Variants in SLC24A3 observed in about 807,000 individuals in gnomAD.
SLC24A3 encodes sodium/potassium/calcium exchanger 3.
SLC24A3 carries 28 observed loss-of-function variants against 75.8 expected under a neutral mutation model. The ratio of observed to expected loss-of-function variants is 0.37; its 90% CI spans 0.27 to 0.51. SLC24A3 has a LOEUF of 0.51. Among genes scored for constraint, SLC24A3 ranks in the 20% least tolerant of loss-of-function variants. The pLI is 0.94. For synonymous variants in SLC24A3, 372 were observed against 334.1 expected (o/e 1.11, Z -1.24); for missense variants, 663 against 847.8 (o/e 0.78, Z 2.71).
chr20:19,651,573 T>C (rs1287955940), intron 6 of SLC24A3, among the ~76,000 whole-genome samples: 2 of 151,968 alleles, frequency 1.3e-5, no homozygotes, highest in Non-Finnish European at 2.9e-5. Context: ...TGAAAATGCA[T>C]GTCCGGCCAG....
chr20:19,331,520 A>G (rs918699375), intron 2 of SLC24A3, among the ~76,000 whole-genome samples: 27 of 152,260 alleles, frequency 1.8e-4, no homozygotes, highest in African/African-American at 6.0e-4. Context: ...AACAAAAATG[A>G]GTACAATATT....
intron 1 of SLC24A3, among the ~76,000 whole-genome samples, chr20:19,217,363 G>A (rs1198487554): frequency 6.6e-6 from 1 of 152,172 alleles, no homozygotes; most frequent in Non-Finnish European, 1.5e-5. Flanking sequence ...ATCATAACTT[G>A]GTAGTGAATG....
intron 1 of SLC24A3, among the ~76,000 whole-genome samples, chr20:19,222,783 C>CCCTTCCTTCCTTCCTTCATT (rs1981756720): frequency 1.3e-5 from 1 of 75,804 alleles, no homozygotes; most frequent in Non-Finnish European, 2.5e-5. Flanking sequence ...TCCCCTCCCT[C>CCCTTCCTTCCTTCCTTCATT]CCTTCCTTCC....
At chr20:19,374,226 C>T (rs946950998) in intron 2 of SLC24A3, among the ~76,000 whole-genome samples, 2 of 152,164 alleles carry the variant, frequency 1.3e-5, no homozygotes, top group African/African-American at 2.4e-5. Flanking sequence ...TTAGATATAA[C>T]TCAAATATCA....
At chr20:19,235,593 C>T (rs564451158) in intron 1 of SLC24A3, among the ~76,000 whole-genome samples, 23 of 152,166 alleles carry the variant, frequency 1.5e-4, no homozygotes, top group Non-Finnish European at 2.8e-4. Context: ...TCTGGACTGT[C>T]ACCTCATCTC....
At chr20:19,454,972 C>T (rs1987554069) in intron 2 of SLC24A3, among the ~76,000 whole-genome samples, 1 of 152,186 alleles carries the variant, frequency 6.6e-6, no homozygotes, top group Admixed American at 6.5e-5. Flanking sequence ...GATAGTGTCA[C>T]TCTCAGAACT....
intron 6 of SLC24A3, among the ~76,000 whole-genome samples, chr20:19,595,790 A>G (rs776402700): frequency 6.6e-5 from 10 of 152,140 alleles, no homozygotes; most frequent in Non-Finnish European, 1.0e-4. Context: ...GCATTGGGCA[A>G]TGGGATGGGT....
chr20:19,214,008 A>T (rs1019979202), intron 1 of SLC24A3, among the ~76,000 whole-genome samples: 8 of 152,378 alleles, frequency 5.3e-5, no homozygotes, highest in Admixed American at 5.2e-4. Flanking sequence ...AGGTCGACGT[A>T]GCTCTAATGC....
chr20:19,240,847 G>T (rs1190915026), intron 1 of SLC24A3, among the ~76,000 whole-genome samples: 1 of 152,184 alleles, frequency 6.6e-6, no homozygotes, highest in Admixed American at 6.5e-5. Context: ...CTCGCATGGG[G>T]CAGGGGAAAT....
chr20:19,413,004 A>G (rs1048847872), intron 2 of SLC24A3, among the ~76,000 whole-genome samples: 2 of 152,200 alleles, frequency 1.3e-5, no homozygotes, highest in Non-Finnish European at 2.9e-5. Context: ...TTGCTATCAT[A>G]ATGCGTCATC....
intron 3 of SLC24A3, among the ~76,000 whole-genome samples, chr20:19,552,633 G>A (rs1161281438): frequency 6.6e-6 from 1 of 152,176 alleles, no homozygotes; most frequent in Non-Finnish European, 1.5e-5. Context: ...TTATGAAACA[G>A]CACCTGATTT....
chr20:19,230,502 G>A (rs546155333), intron 1 of SLC24A3, among the ~76,000 whole-genome samples: 4 of 151,960 alleles, frequency 2.6e-5, no homozygotes, highest in South Asian at 2.1e-4. Context: ...TCTTTCCATC[G>A]CACCTCTTTT....
intron 2 of SLC24A3, among the ~76,000 whole-genome samples, chr20:19,364,730 C>T (rs189566694): frequency 1.5e-3 from 230 of 152,242 alleles, no homozygotes; most frequent in Admixed American, 4.9e-3. Flanking sequence ...GCTGGGATTA[C>T]AGGCATGAGC....
At chr20:19,602,879 C>T (rs952560711) in intron 6 of SLC24A3, among the ~76,000 whole-genome samples, 1 of 152,194 alleles carries the variant, frequency 6.6e-6, no homozygotes, top group Non-Finnish European at 1.5e-5. Context: ...GTCCGGCAAG[C>T]AGACCACTCT....
chr20:19,408,608 T>C (rs1986693467), intron 2 of SLC24A3, among the ~76,000 whole-genome samples: 1 of 152,124 alleles, frequency 6.6e-6, no homozygotes, highest in African/African-American at 2.4e-5. Flanking sequence ...CAAGCTGGTC[T>C]CGAACTTCTG....
In SLC24A3 at chr20:19,348,709, C is replaced by T. The variant is rs569877999; in HGVS notation, c.271+67622C>T. Among the ~76,000 whole-genome samples the T allele has an allele frequency of 9.2e-5, 14 of 152,190 alleles. No individual in the cohort carries two copies. In the East Asian group the frequency reaches 2.3e-3, roughly 25 times the overall value. On this transcript the variant is annotated intron_variant, in intron 2 of 16. Transcript: ENST00000328041. ...CTTAAGGCCTCATCAGGGCCCTGAC[C>T]GCCTGTGTCACCTTACAGTCTCCAT... is the stretch of plus-strand genomic sequence containing the variant.
intron 3 of SLC24A3, among the ~76,000 whole-genome samples, chr20:19,557,901 A>C (rs1200998591): frequency 1.3e-5 from 2 of 152,224 alleles, no homozygotes; most frequent in East Asian, 3.8e-4. Flanking sequence ...AATTTTCCAT[A>C]GTTGTTAGCA....
intron 2 of SLC24A3, among the ~76,000 whole-genome samples, chr20:19,320,202 C>T (rs6112314): frequency 1.3e-5 from 2 of 151,972 alleles, no homozygotes; most frequent in Admixed American, 6.5e-5. Context: ...TGTCGGGCGC[C>T]GACGGTCCAG....
At chr20:19,322,769 A>C (rs1984743551) in intron 2 of SLC24A3, among the ~76,000 whole-genome samples, 1 of 152,200 alleles carries the variant, frequency 6.6e-6, no homozygotes, top group Non-Finnish European at 1.5e-5. Context: ...CCTGGAATGC[A>C]GCAAACCCAG....
Sources: allele counts gnomAD v4.1 joint callset (sites outside exome capture counted in the v4.1 genomes callset), GRCh38; gene constraint gnomAD v4.1.1; transcripts MANE v1.5; gene names NCBI Gene and HGNC (gene_info 2026-07-23, HGNC 2026-07-21).